Variants in MTSS1 observed in about 807,000 individuals in gnomAD.
MTSS1 encodes protein MTSS 1.
A neutral mutation model predicts 79.0 loss-of-function variants in MTSS1; 18 were observed. The ratio of observed to expected loss-of-function variants is 0.23; its 90% CI spans 0.16 to 0.34. The LOEUF (loss-of-function observed/expected upper bound fraction) is 0.34, where lower values mean the gene tolerates loss of function less well. Ranked by LOEUF, MTSS1 falls within the 10% of genes least tolerant of loss-of-function variation. The pLI, the probability that MTSS1 is intolerant of heterozygous loss-of-function variation, is 1.00. For synonymous variants in MTSS1, 341 were observed against 368.6 expected, an observed-to-expected ratio of 0.93 and a Z score of 0.86; for missense variants, 815 against 986.2, an observed-to-expected ratio of 0.83 and a Z score of 2.33.
intron 3 of MTSS1, among the ~76,000 whole-genome samples, chr8:124,633,351 T>C (rs59866963): frequency 0.028 from 4,265 of 152,254 alleles, 172 homozygotes; most frequent in African/African-American, 0.097. Context: ...AAAGGAGTCC[T>C]TGTCCTTCAC....
At chr8:124,660,407 T>C (rs1321504398) in intron 3 of MTSS1, among the ~76,000 whole-genome samples, 2 of 149,768 alleles carry the variant, frequency 1.3e-5, no homozygotes, top group Non-Finnish European at 2.9e-5. Context: ...TATATTTTGG[T>C]ATTTAGAAAG....
chr8:124,614,089 A>G (rs1297753770), intron 3 of MTSS1, among the ~76,000 whole-genome samples: 1 of 151,258 alleles, frequency 6.6e-6, no homozygotes, highest in Non-Finnish European at 1.5e-5. Flanking sequence ...GTTTAAGCCC[A>G]ATAGGCTGAG....
intron 3 of MTSS1, among the ~76,000 whole-genome samples, chr8:124,677,207 T>C (rs1242847935): frequency 6.6e-6 from 1 of 152,194 alleles, no homozygotes; most frequent in Non-Finnish European, 1.5e-5. Context: ...TTTTTAAGAT[T>C]AATCTTGAAC....
Position 124,582,779 on chromosome 8 carries a change from C to G in MTSS1, c.460+2308G>C, listed in dbSNP as rs1220733180. Among the ~76,000 whole-genome samples the G allele has an allele frequency of 1.3e-5, 2 of 152,200 alleles. No homozygotes were observed. Among genetic ancestry groups the G allele is most frequent in the African/African-American group, 2.4e-5 (1 of 41,446 alleles). On this transcript the variant is annotated intron_variant, in intron 6 of 13. Transcript: ENST00000518547. The surrounding 1 kb of genome is among the most constrained non-coding windows in gnomAD (Gnocchi z 4.8). ...GTTCTAGTAGAAAGGGAAATGTCAG[C>G]TAACCAGACCCCTAAACAACTGAAA...
intron 1 of MTSS1, among the ~76,000 whole-genome samples, chr8:124,706,502 G>C (rs1024441963): frequency 6.6e-6 from 1 of 152,210 alleles, no homozygotes; most frequent in African/African-American, 2.4e-5. Flanking sequence ...CATCAGTTCT[G>C]CCTTCATGCA....
chr8:124,715,734 G>A (rs750311700), intron 1 of MTSS1, among the ~76,000 whole-genome samples: 11 of 152,002 alleles, frequency 7.2e-5, no homozygotes, highest in African/African-American at 1.9e-4. Flanking sequence ...CTTGCCTGGC[G>A]AGAGGGCGCT....
rs149989781 is a variant in MTSS1, at chr8:124,721,027, T to C, written c.72+6857A>G. 1.3e-3 allele frequency among the ~76,000 whole-genome samples: 191 copies of C among 152,222 alleles called. 1 individual carries two copies. Among genetic ancestry groups the C allele is most frequent in the East Asian group, 0.012 (61 of 5,184 alleles). On this transcript the variant is annotated intron_variant, in intron 1 of 13. Coordinates refer to ENST00000518547, the MANE Select transcript of MTSS1 (RefSeq NM_014751.6). ...GTCAACTCTAGCTCCAGAATTTCTA[T>C]GGAGGGGTTTAGGGGCAGTGTTGTA...
intron 1 of MTSS1, among the ~76,000 whole-genome samples, chr8:124,718,460 G>T (rs950031768): frequency 1.3e-5 from 2 of 151,938 alleles, no homozygotes; most frequent in Admixed American, 6.6e-5. Context: ...TCTGCTCCCC[G>T]CTCCCTGTTT....
At chr8:124,647,864 T>C (rs1418408889) in intron 3 of MTSS1, among the ~76,000 whole-genome samples, 1 of 152,152 alleles carries the variant, frequency 6.6e-6, no homozygotes, top group Non-Finnish European at 1.5e-5. Flanking sequence ...AACAAGAACC[T>C]CTGGAGCCAC....
intron 3 of MTSS1, among the ~76,000 whole-genome samples, chr8:124,616,494 G>T (rs1484500969): frequency 2.0e-5 from 3 of 152,078 alleles, no homozygotes; most frequent in Middle Eastern, 3.2e-3. Context: ...ATATGTCAGT[G>T]CTGGGCAGAG....
In MTSS1 at chr8:124,697,191, T is replaced by C. The variant is rs1190763367; in HGVS notation, c.208+2335A>G. On this transcript the variant is annotated intron_variant, in intron 3 of 13. Coordinates refer to ENST00000518547, the MANE Select transcript of MTSS1 (RefSeq NM_014751.6). ...AAACATTAAAATATAAAAACATTAT[T>C]ATCACAGAGCCTCAAACATGCAATG... Among the ~76,000 whole-genome samples the C allele has an allele frequency of 4.0e-5, 6 of 151,726 alleles. No individual in the cohort carries two copies. The East Asian group carries it at 1.2e-3, about 29-fold the overall frequency.
chr8:124,586,697 G>C (rs990060711), intron 5 of MTSS1, among the ~76,000 whole-genome samples: 1 of 152,198 alleles, frequency 6.6e-6, no homozygotes, highest in African/African-American at 2.4e-5. Context: ...TGGGGGTTAG[G>C]AGCTTTGTAC....
Position 124,662,018 on chromosome 8 carries a change from G to C in MTSS1, c.208+37508C>G, listed in dbSNP as rs955591571. 2.6e-5 allele frequency among the ~76,000 whole-genome samples: 4 copies of C among 152,176 alleles called. No homozygotes were observed. In the East Asian group the frequency reaches 7.7e-4, roughly 29 times the overall value. ...AGCTTCAGGTTCTTTTTAGATTAAA[G>C]AGAAAGGGAAATGATCCAGCCCAGT... On this transcript the variant is annotated intron_variant, in intron 3 of 13. Transcript: ENST00000518547.
chr8:124,627,685 C>T (rs929059140), intron 3 of MTSS1, among the ~76,000 whole-genome samples: 1 of 152,130 alleles, frequency 6.6e-6, no homozygotes, highest in Non-Finnish European at 1.5e-5. Flanking sequence ...GGGGGGTCCC[C>T]CAGGGATCAC....
chr8:124,612,261 C>A (rs961891964), intron 3 of MTSS1, among the ~76,000 whole-genome samples: 1 of 152,168 alleles, frequency 6.6e-6, no homozygotes, highest in African/African-American at 2.4e-5. Flanking sequence ...GGGGCAATGG[C>A]AGGAGCAGAC....
chr8:124,642,004 C>T (rs1234526274), intron 3 of MTSS1, among the ~76,000 whole-genome samples: 2 of 151,746 alleles, frequency 1.3e-5, no homozygotes, highest in African/African-American at 4.8e-5. Flanking sequence ...CAGCTAAATC[C>T]AGCAAAAAGA....
chr8:124,583,384 G>C (rs79135882), intron 6 of MTSS1, among the ~76,000 whole-genome samples: 6,196 of 152,208 alleles, frequency 0.041, 229 homozygotes, highest in African/African-American at 0.094. Context: ...TTATCCTGCA[G>C]GCAGCCCGAG....
intron 6 of MTSS1, among the ~76,000 whole-genome samples, chr8:124,583,460 G>T (rs1830378726): frequency 2.0e-5 from 3 of 152,158 alleles, no homozygotes; most frequent in African/African-American, 7.2e-5. Context: ...ACCCTATCAG[G>T]CTTCACCCAG....
chr8:124,553,397 T>G lies in MTSS1; in HGVS notation c.1863A>C (p.Pro621=), dbSNP rs1401971659. The stretch of plus-strand genomic sequence containing the variant: ...ACACCCCTGGGAGGTCTGGGACGGT[T>G]GGGGTCTTGACAGGGATCACGGGTG... The part of the protein sequence containing the change: ...IKTPVIPVKT[P]TVPDLPGVLP... Residue 621 remains proline (P), a synonymous_variant, in exon 14 of 14, where the codon CCA becomes CCC. Coordinates refer to ENST00000518547, the MANE Select transcript of MTSS1 (RefSeq NM_014751.6). The surrounding 1 kb of genome is among the most constrained non-coding windows in gnomAD (Gnocchi z 6.0). 4 of 1,608,284 alleles carry G rather than the reference T, an allele frequency of 2.5e-6. No individual in the cohort carries two copies. The highest frequency in any genetic ancestry group is 1.3e-5 in the African/African-American group (1 of 74,758).
Sources: gnomAD v4.1 joint callset for allele counts (sites outside exome capture counted in the v4.1 genomes callset) on GRCh38, gnomAD v4.1.1 for gene constraint, Gnocchi (gnomAD v3.1) non-coding constraint, MANE v1.5 for transcripts, NCBI Gene and HGNC (gene_info 2026-07-23, HGNC 2026-07-21) for gene names.